KCNH7: variants seen among roughly 807,000 people sequenced by gnomAD.
KCNH7 encodes potassium voltage-gated channel subfamily H member 7.
KCNH7 carries 49 observed loss-of-function variants against 120.8 expected under a neutral mutation model. The observed-to-expected ratio is 0.41, with a 90% CI of 0.32 to 0.51. KCNH7 has a LOEUF of 0.51. KCNH7 is among the 20% of genes least tolerant of loss of function. KCNH7 has a pLI of 0.38. For synonymous variants in KCNH7, 547 were observed against 516.1 expected, an observed-to-expected ratio of 1.06 and a Z score of -0.81; for missense variants, 1,097 against 1,446.6, an observed-to-expected ratio of 0.76 and a Z score of 3.92.
intron 2 of KCNH7, among the ~76,000 whole-genome samples, chr2:162,762,362 A>C (rs1206883681): frequency 2.1e-5 from 3 of 141,636 alleles, no homozygotes; most frequent in Non-Finnish European, 4.6e-5. Context: ...CTAATGAAAG[A>C]TCTTGTTGGA....
intron 2 of KCNH7, among the ~76,000 whole-genome samples, chr2:162,541,043 C>G (rs548492824): frequency 6.6e-6 from 1 of 151,994 alleles, no homozygotes; most frequent in African/African-American, 2.4e-5. Context: ...GGTAGCAGAA[C>G]CATTTATTAA....
intron 2 of KCNH7, among the ~76,000 whole-genome samples, chr2:162,605,465 G>A (rs1682716470): frequency 6.6e-6 from 1 of 152,096 alleles, no homozygotes; most frequent in African/African-American, 2.4e-5. Flanking sequence ...TAGGATTCTT[G>A]TTTTAGCAGC....
chr2:162,666,521 T>G (rs571806240), intron 2 of KCNH7, among the ~76,000 whole-genome samples: 1 of 152,206 alleles, frequency 6.6e-6, no homozygotes, highest in Non-Finnish European at 1.5e-5. Context: ...AGACTATTGT[T>G]CCCCTGCTAT....
At chr2:162,696,253 G>A (rs77754713) in intron 2 of KCNH7, among the ~76,000 whole-genome samples, 20,075 of 152,024 alleles carry the variant, frequency 0.13, 1,532 homozygotes, top group East Asian at 0.34. Flanking sequence ...TGTAAATGGC[G>A]GATAGAACTG....
intron 2 of KCNH7, among the ~76,000 whole-genome samples, chr2:162,667,336 T>C (rs1685174086): frequency 1.3e-5 from 2 of 152,132 alleles, no homozygotes; most frequent in Admixed American, 1.3e-4. Context: ...CCATTCTTCA[T>C]ACATCAGCTA....
In KCNH7 at chr2:162,753,891, A is replaced by T. The variant is rs199502417; in HGVS notation, c.307+82646T>A. The stretch of plus-strand genomic sequence containing the variant: ...GTTGTAAAGGACCTATTTGCAGATT[A>T]GTAGCCCACATGGTTTATAAGTGGA... On this transcript the variant is annotated intron_variant, in intron 2 of 15. Transcript: ENST00000332142. 2.1e-3 allele frequency among the ~76,000 whole-genome samples: 315 copies of T among 152,206 alleles called. 2 individuals are homozygous for T. Among genetic ancestry groups the T allele is most frequent in the East Asian group, 0.019 (100 of 5,182 alleles).
rs78084607 is a variant in KCNH7 at position 162,813,009 on chromosome 2, T to C, written c.307+23528A>G. Among the ~76,000 whole-genome samples, 248 of 152,068 alleles carry C rather than the reference T, an allele frequency of 1.6e-3. 1 individual carries two copies. Among genetic ancestry groups the C allele is most frequent in the African/African-American group, 5.8e-3 (239 of 41,492 alleles). ...AAGATGAAAAAAGTTGTTAAGAATT[T>C]TTACATGGAAAGGAGGGGACAGGAA... On this transcript the variant is annotated intron_variant, in intron 2 of 15. Coordinates refer to ENST00000332142, the MANE Select transcript of KCNH7 (RefSeq NM_033272.4).
At chr2:162,688,390 C>T (rs1430993810) in intron 2 of KCNH7, among the ~76,000 whole-genome samples, 2 of 152,116 alleles carry the variant, frequency 1.3e-5, no homozygotes, top group African/African-American at 2.4e-5. Context: ...TAGTTGTACA[C>T]TATGCCTAGA....
intron 6 of KCNH7, among the ~76,000 whole-genome samples, chr2:162,470,226 C>G (rs1312170774): frequency 3.3e-5 from 5 of 150,234 alleles, no homozygotes; most frequent in South Asian, 2.1e-4. Flanking sequence ...AGTGAGGAGC[C>G]TCTCTGCCCG....
At chr2:162,690,951 T>TAG (rs1686080285) in intron 2 of KCNH7, among the ~76,000 whole-genome samples, 2 of 152,200 alleles carry the variant, frequency 1.3e-5, no homozygotes, top group Non-Finnish European at 2.9e-5. Context: ...CAATTATCTT[T>TAG]TGTTCCACTT....
chr2:162,429,592 G>A (rs1401526971), intron 8 of KCNH7, among the ~76,000 whole-genome samples: 2 of 150,744 alleles, frequency 1.3e-5, no homozygotes, highest in Non-Finnish European at 3.0e-5. Context: ...GAGAGATTTT[G>A]TTTTTCTTTC....
At chr2:162,765,266 C>T (rs1360621070) in intron 2 of KCNH7, among the ~76,000 whole-genome samples, 1 of 152,170 alleles carries the variant, frequency 6.6e-6, no homozygotes, top group African/African-American at 2.4e-5. Context: ...TTTATTGAAT[C>T]CTGGTATGTG....
intron 6 of KCNH7, among the ~76,000 whole-genome samples, chr2:162,476,358 G>A (rs912659798): frequency 1.3e-5 from 2 of 152,048 alleles, no homozygotes; most frequent in Non-Finnish European, 2.9e-5. Context: ...ATTACTATTG[G>A]ATAAGAATAC....
intron 2 of KCNH7, among the ~76,000 whole-genome samples, chr2:162,711,263 A>G (rs1358166503): frequency 6.6e-6 from 1 of 152,224 alleles, no homozygotes; most frequent in Non-Finnish European, 1.5e-5. Flanking sequence ...CGGCCTTTGT[A>G]TCAGCAGAGA....
chr2:162,660,257 TC>T (rs1467352396), intron 2 of KCNH7, among the ~76,000 whole-genome samples: 2 of 152,190 alleles, frequency 1.3e-5, no homozygotes, highest in Admixed American at 6.5e-5. Context: ...ATATAAGCAT[TC>T]AATGCTACAC....
chr2:162,803,812 G>T (rs1684431752), intron 2 of KCNH7, among the ~76,000 whole-genome samples: 1 of 151,520 alleles, frequency 6.6e-6, no homozygotes, highest in South Asian at 2.1e-4. Context: ...GATGATCAGT[G>T]CCCCCTTTTC....
intron 6 of KCNH7, among the ~76,000 whole-genome samples, chr2:162,491,797 T>C (rs537936390): frequency 1.2e-4 from 18 of 152,312 alleles, no homozygotes; most frequent in African/African-American, 3.8e-4. Context: ...GATGCCTTTT[T>C]CCCCTCTTTC....
intron 2 of KCNH7, among the ~76,000 whole-genome samples, chr2:162,639,031 C>T (rs190500921): frequency 1.3e-5 from 2 of 152,084 alleles, no homozygotes; most frequent in Non-Finnish European, 2.9e-5. Context: ...AATCCTTGGC[C>T]TCTGCCTATT....
At chr2:162,744,970 G>C (rs1406922814) in intron 2 of KCNH7, among the ~76,000 whole-genome samples, 2 of 152,162 alleles carry the variant, frequency 1.3e-5, no homozygotes, top group East Asian at 3.9e-4. Flanking sequence ...TTTTTGGCTG[G>C]TTCCCACATA....
Sources: allele counts gnomAD v4.1 joint callset (sites outside exome capture counted in the v4.1 genomes callset), GRCh38; gene constraint gnomAD v4.1.1; transcripts MANE v1.5; gene names NCBI Gene and HGNC (gene_info 2026-07-23, HGNC 2026-07-21).